Variants in RYR1 observed in about 807,000 individuals in gnomAD.
RYR1 encodes the protein central core disease of muscle.
Under a neutral mutation model 583.5 loss-of-function variants are expected in RYR1, and 342 were observed. The observed-to-expected ratio is 0.59, with a 90% CI of 0.54 to 0.64. The LOEUF is 0.64. Among genes scored for constraint, RYR1 ranks in the 30% least tolerant of loss-of-function variants. RYR1 has a pLI of 0.00. For synonymous variants in RYR1, 2,791 were observed against 2,822.5 expected, an observed-to-expected ratio of 0.99 and a Z score of 0.35; for missense variants, 6,032 against 6,917.2, an observed-to-expected ratio of 0.87 and a Z score of 4.54.
At chr19:38,580,566 A>G in intron 101 of RYR1, 62 bp downstream of exon 101, 2 of 1,598,640 alleles carry the variant, frequency 1.3e-6, no homozygotes, top group Non-Finnish European at 1.7e-6. Context: ...GGAGTTAATA[A>G]TGGTACCTCC....
intron 34 of RYR1, among the ~76,000 whole-genome samples, chr19:38,487,298 T>C (rs1423675048): frequency 6.6e-6 from 1 of 152,212 alleles, no homozygotes; most frequent in Non-Finnish European, 1.5e-5. Context: ...TGTACCCTTT[T>C]ATTCGTAGAC....
In RYR1 at chr19:38,565,144, G is replaced by C. The variant is rs977444384; in HGVS notation, c.12810G>C (p.Ala4270=). The change falls in exon 91 of 106, where the codon GCG becomes GCC. Residue 4270 remains alanine (A), a synonymous_variant. Transcript: ENST00000359596. The surrounding 1 kb of genome is among the most constrained non-coding windows in gnomAD (Gnocchi z 4.7). ...ACGAGGGCGCGGGCGCGGCGGAGGC[G>C]GGCGCGGAAGGCGCGGAGGAGGGCG... ...DEDEGAGAAE[A]GAEGAEEGAA... is the part of the protein sequence containing the mutation. 4 of 1,521,086 alleles carry C rather than the reference G, an allele frequency of 2.6e-6. No individual in the cohort carries two copies. Among genetic ancestry groups the C allele is most frequent in the East Asian group, 2.5e-5 (1 of 40,118 alleles). The allele number at this position is 1,521,086 out of a possible 1,614,324, so 94.2% of individuals were successfully genotyped here. A position where few individuals can be genotyped will look rare whatever the true frequency, so the allele number is the denominator to read the frequency against.
chr19:38,508,844 G>A (rs917577260), intron 58 of RYR1, among the ~76,000 whole-genome samples: 2 of 152,012 alleles, frequency 1.3e-5, no homozygotes, highest in South Asian at 2.1e-4. Flanking sequence ...GGGCTGAGCC[G>A]AGGAGGGACG....
intron 8 of RYR1, 56 bp from the exon 9 acceptor site, chr19:38,446,638 A>G (rs2145351653): frequency 6.2e-7 from 1 of 1,603,544 alleles, no homozygotes; most frequent in East Asian, 2.2e-5. Flanking sequence ...GAGTAGGATT[A>G]GGGACCAGAT....
chr19:38,580,276 C>G, intron 100 of RYR1, 94 bp from the exon 101 acceptor site: 1 of 1,592,322 alleles, frequency 6.3e-7, no homozygotes, highest in Non-Finnish European at 8.5e-7. Context: ...AAGGTAGAGC[C>G]ACAGGGACTG....
At chr19:38,575,592 C>T (rs956012167) in intron 96 of RYR1, among the ~76,000 whole-genome samples, 1 of 151,664 alleles carries the variant, frequency 6.6e-6, no homozygotes, top group Admixed American at 6.6e-5. Context: ...CACCTGAGGT[C>T]AGAAGTTCAA....
chr19:38,533,354 G>T (rs1971826027), intron 78 of RYR1, among the ~76,000 whole-genome samples: 1 of 152,136 alleles, frequency 6.6e-6, no homozygotes, highest in East Asian at 1.9e-4. Context: ...GTCCCTTCTG[G>T]CATCTGGTGA....
chr19:38,473,604 C>G lies in RYR1; in HGVS notation c.3993C>G (p.Tyr1331Ter). 6.4e-7 allele frequency: 1 copy of G among 1,574,162 alleles called. No homozygotes were observed. Among genetic ancestry groups the G allele is most frequent in the Non-Finnish European group, 8.6e-7 (1 of 1,160,026 alleles). Residue 1331 changes from tyrosine (Y) to a stop codon, truncating the protein, a stop_gained, in exon 28 of 106, where the codon TAC becomes TAG. Transcript: ENST00000359596. LOFTEE classifies it high-confidence loss of function. ...GGGCGGCGGAACCCGACCCTGACTA[C>G]GAAAACCTGCGCCGCTCAGCTGGGG... is the stretch of plus-strand genomic sequence containing the variant. Reference protein sequence around the residue: ...EARAAEPDPDYENLRRSAGGW... With the variant: ...EARAAEPDPD
chr19:38,522,687 C>T (rs929173830), intron 67 of RYR1, among the ~76,000 whole-genome samples: 1 of 151,962 alleles, frequency 6.6e-6, no homozygotes, highest in Non-Finnish European at 1.5e-5. Context: ...CAGTGGCTTA[C>T]ACCTGTAATC....
At chr19:38,448,247 C>T in intron 9 of RYR1, 108 bp from the exon 10 acceptor site, 2 of 1,276,652 alleles carry the variant, frequency 1.6e-6, no homozygotes, top group Non-Finnish European at 2.2e-6. Context: ...GCTTGGGCAA[C>T]ATAGCAAGAC....
At chr19:38,572,490 G>A (rs1164949707) in intron 95 of RYR1, among the ~76,000 whole-genome samples, 3 of 152,222 alleles carry the variant, frequency 2.0e-5, no homozygotes, top group South Asian at 2.1e-4. Context: ...GAACGGACAC[G>A]GCTTATAGCT....
At chr19:38,440,001 T>A (rs1972599289) in intron 1 of RYR1, among the ~76,000 whole-genome samples, 1 of 152,210 alleles carries the variant, frequency 6.6e-6, no homozygotes, top group East Asian at 1.9e-4. Context: ...TTCCAGTGGA[T>A]CACTTTGCAG....
intron 48 of RYR1, 70 bp from the exon 49 acceptor site, chr19:38,502,810 G>A (rs1469696): frequency 9.0e-6 from 6 of 667,288 alleles, no homozygotes; most frequent in Admixed American, 4.5e-5. Context: ...GGGGCAGGGG[G>A]AGGAGCAGGG....
intron 11 of RYR1, among the ~76,000 whole-genome samples, chr19:38,451,046 G>A (rs1041569057): frequency 3.3e-5 from 5 of 152,228 alleles, no homozygotes; most frequent in Non-Finnish European, 7.3e-5. Flanking sequence ...GGGACAGTCA[G>A]TGTTGGCTCA....
Position 38,523,939 on chromosome 19 carries a change from A to G in RYR1, c.10455+10A>G. ...GGCGGGAGATATACAGGTCAGCCCC[A>G]CATCTGGGACCTTCCGCATGTCTCT... On this transcript the variant is annotated intron_variant, in intron 70 of 105. Coordinates refer to ENST00000359596, the MANE Select transcript of RYR1 (RefSeq NM_000540.3). 1 of 1,613,494 alleles carries G rather than the reference A, an allele frequency of 6.2e-7. No homozygotes were observed. Among genetic ancestry groups the G allele is most frequent in the East Asian group, 2.2e-5 (1 of 44,850 alleles).
At position 38,528,378 on chromosome 19, in the gene RYR1, G is replaced by T; in HGVS notation, c.10897G>T (p.Val3633Leu). 1 of 1,614,160 alleles carries T rather than the reference G, an allele frequency of 6.2e-7. No homozygotes were observed. Among genetic ancestry groups the T allele is most frequent in the Non-Finnish European group, 8.5e-7 (1 of 1,180,034 alleles). The change falls in exon 74 of 106, where the codon GTG becomes TTG. Residue 3633 changes from valine (V) to leucine (L), a missense_variant. This residue lies in a region of RYR1 where 1,493 missense variants were observed against 1,715.5 expected (regional missense o/e 0.87). Transcript: ENST00000359596. ...LLSKQRRRAV[V>L]ACFRMTPLYN... ...GTCCAAACAGCGCCGGCGGGCAGTC[G>T]TGGCCTGTTTCCGTATGACGCCCCT...
intron 97 of RYR1, among the ~76,000 whole-genome samples, 184 bp downstream of exon 97, chr19:38,576,145 G>A (rs1973947741): frequency 6.6e-6 from 1 of 152,048 alleles, no homozygotes; most frequent in African/African-American, 2.4e-5. Context: ...TTTCTTGAAT[G>A]GGCACATGGA....
rs121918593 is a variant in RYR1, at chr19:38,499,993, G to A, written c.7300G>A (p.Gly2434Arg). ...SFYAALIDLL[G>R]RCAPEMHLIQ... Reference sequence around the variant, plus strand: ...CTATGCCGCCTTGATCGACCTGCTCGGACGCTGTGCACCAGAGATGCATGT... The same window carrying A: ...CTATGCCGCCTTGATCGACCTGCTCAGACGCTGTGCACCAGAGATGCATGT... Residue 2434 changes from glycine to arginine, a missense_variant, in exon 45 of 106, where the codon GGA (glycine) becomes AGA (arginine). Physicochemically the swap from Gly to Arg is moderately radical, Grantham distance 125 (BLOSUM62 -2). Transcript: ENST00000359596. This position sits in a 1 kb window ranked among gnomAD's most constrained non-coding sequence, Gnocchi z 7.3. 9.7e-5 allele frequency: 156 copies of A among 1,614,004 alleles called. No homozygotes were observed. The highest frequency in any genetic ancestry group is 1.3e-4 in the Non-Finnish European group (149 of 1,180,014).
chr19:38,534,677 G>A (rs1205241054), intron 78 of RYR1, 43 bp from the exon 79 acceptor site: 1 of 1,558,526 alleles, frequency 6.4e-7, no homozygotes, highest in Non-Finnish European at 8.8e-7. Flanking sequence ...AGGCTGGGCT[G>A]GAAAGCCTGG....
Sources: allele counts gnomAD v4.1 joint callset (sites outside exome capture counted in the v4.1 genomes callset), GRCh38; gene constraint gnomAD v4.1.1; regional missense constraint gnomAD v4.1.1; non-coding constraint Gnocchi (gnomAD v3.1); transcripts MANE v1.5; gene names NCBI Gene and HGNC (gene_info 2026-07-23, HGNC 2026-07-21).